Variants in TFDP1 observed in about 807,000 individuals in gnomAD.
TFDP1 encodes the protein DRTF1-polypeptide 1.
A neutral mutation model predicts 48.0 loss-of-function variants in TFDP1; 6 were observed. That is an observed-to-expected ratio of 0.13 (90% CI 0.07 to 0.25). The LOEUF (loss-of-function observed/expected upper bound fraction) is 0.25, where lower values mean the gene tolerates loss of function less well. Among genes scored for constraint, TFDP1 ranks in the 10% least tolerant of loss-of-function variants. The pLI is 1.00. For missense variants in TFDP1, 335 were observed against 543.0 expected (o/e 0.62, Z 3.81); for synonymous variants, 201 against 211.6 (o/e 0.95, Z 0.44).
At chr13:113,613,567 T>C (rs112585580) in intron 3 of TFDP1, among the ~76,000 whole-genome samples, 2,924 of 141,166 alleles carry the variant, frequency 0.021, 106 homozygotes, top group East Asian at 0.094. Context: ...TGAGTGTGCA[T>C]ACGAGTGTGT....
chr13:113,622,047 C>T (rs1293275113), intron 3 of TFDP1, among the ~76,000 whole-genome samples: 3 of 152,232 alleles, frequency 2.0e-5, no homozygotes, highest in African/African-American at 7.2e-5. Flanking sequence ...TGCCTCCTCT[C>T]TCTCTCTGCC....
chr13:113,634,052 T>C lies in TFDP1; in HGVS notation c.618+19T>C, dbSNP rs1175209178. ...CTTAGAGGTGCCCCTTCAGCCTTCC[T>C]TCAACCTTGATTTCCCTTCAAGTCC... On this transcript the variant is annotated intron_variant, in intron 7 of 11. Coordinates refer to ENST00000375370, the MANE Select transcript of TFDP1 (RefSeq NM_007111.5). 6.2e-7 allele frequency: 1 copy of C among 1,613,992 alleles called. No individual in the cohort carries two copies. Among genetic ancestry groups the C allele is most frequent in the Non-Finnish European group, 8.5e-7 (1 of 1,180,014 alleles).
At chr13:113,617,756 A>G (rs73577469) in intron 3 of TFDP1, among the ~76,000 whole-genome samples, 10,123 of 152,216 alleles carry the variant, frequency 0.067, 939 homozygotes, top group African/African-American at 0.21. Context: ...TGGTGGGCAA[A>G]ATAGTAACTC....
rs142499049 is a variant in TFDP1, at chr13:113,597,531, A to G, written c.12+11682A>G. Among the ~76,000 whole-genome samples the G allele has an allele frequency of 3.5e-3, 528 of 152,324 alleles. 5 individuals are homozygous for G. Among genetic ancestry groups the G allele is most frequent in the African/African-American group, 0.012 (498 of 41,574 alleles). The stretch of plus-strand genomic sequence containing the variant: ...TGGACCTTGCTAGCCCTGCGACCTC[A>G]GGTGGGGACTCCTGGCCTCTGTGTG... On this transcript the variant is annotated intron_variant, in intron 2 of 11. Coordinates refer to ENST00000375370, the MANE Select transcript of TFDP1 (RefSeq NM_007111.5).
In TFDP1 at chr13:113,633,599, G is replaced by T. The variant is rs754337275; in HGVS notation, c.475-291G>T. ...ATGCTTTGTCAACTCCAGTGAGTGAGCACGTGGGCTGGCTCTGCACGTCTA... is the reference window on the plus strand; with the variant it reads ...ATGCTTTGTCAACTCCAGTGAGTGATCACGTGGGCTGGCTCTGCACGTCTA... On this transcript the variant is annotated intron_variant, in intron 6 of 11. Coordinates refer to ENST00000375370, the MANE Select transcript of TFDP1 (RefSeq NM_007111.5). This position sits in a 1 kb window ranked among gnomAD's most constrained non-coding sequence, Gnocchi z 4.5. Among the ~76,000 whole-genome samples, 8 of 152,226 alleles carry T rather than the reference G, an allele frequency of 5.3e-5. No homozygotes were observed. The highest frequency in any genetic ancestry group is 1.0e-4 in the Non-Finnish European group (7 of 68,052).
chr13:113,606,985 C>T (rs975527650), intron 2 of TFDP1, among the ~76,000 whole-genome samples: 4 of 152,220 alleles, frequency 2.6e-5, no homozygotes, highest in Admixed American at 1.3e-4. Flanking sequence ...TTTATTCATC[C>T]GCCAGCTCTG....
intron 2 of TFDP1, among the ~76,000 whole-genome samples, chr13:113,609,635 G>A (rs1205423841): frequency 6.6e-6 from 1 of 152,016 alleles, no homozygotes; most frequent in East Asian, 1.9e-4. Context: ...TACCTGGGTG[G>A]CACCAGGGGG....
At chr13:113,608,976 C>T (rs1379255236) in intron 2 of TFDP1, among the ~76,000 whole-genome samples, 5 of 152,232 alleles carry the variant, frequency 3.3e-5, no homozygotes, top group Non-Finnish European at 4.4e-5. Context: ...GGACATCTAG[C>T]GTCTCACACC....
chr13:113,597,288 T>C (rs1001675525), intron 2 of TFDP1, among the ~76,000 whole-genome samples: 1 of 152,194 alleles, frequency 6.6e-6, no homozygotes, highest in Non-Finnish European at 1.5e-5. Flanking sequence ...CTATGATAAA[T>C]AAATAGATGA....
chr13:113,612,802 A>G (rs1467690352), intron 3 of TFDP1, among the ~76,000 whole-genome samples: 5 of 152,338 alleles, frequency 3.3e-5, no homozygotes, highest in Admixed American at 2.6e-4. Context: ...AGGAAGGAAC[A>G]TATTCTGCAT....
Position 113,623,275 on chromosome 13 carries a change from G to A in TFDP1, c.175G>A (p.Ala59Thr), listed in dbSNP as rs558392124. 34 of 1,611,362 alleles carry A rather than the reference G, an allele frequency of 2.1e-5. No homozygotes were observed. The highest frequency in any genetic ancestry group is 1.6e-4 in the Middle Eastern group (1 of 6,080). Residue 59 changes from alanine to threonine, a missense_variant, in exon 4 of 12, where the codon GCC (alanine) becomes ACC (threonine). Physicochemically the swap from Ala to Thr is moderately conservative, Grantham distance 58. This residue lies in a region of TFDP1 where 103 missense variants were observed against 140.4 expected (regional missense o/e 0.73). Transcript: ENST00000375370. The surrounding 1 kb of genome is among the most constrained non-coding windows in gnomAD (Gnocchi z 5.2). ...CTTTGGACAGTCCAATGTCAACATT[G>A]CCCAGCAAGTGGTAAGCCTCCCGCA... ...KTFGQSNVNIAQQVVIGTPQR... is the reference protein window; with the variant it reads ...KTFGQSNVNITQQVVIGTPQR...
At chr13:113,621,356 G>T (rs977857197) in intron 3 of TFDP1, among the ~76,000 whole-genome samples, 9 of 152,240 alleles carry the variant, frequency 5.9e-5, no homozygotes, top group African/African-American at 2.2e-4. Flanking sequence ...TCCCCCAGCC[G>T]TGGGGTGGGG....
intron 2 of TFDP1, among the ~76,000 whole-genome samples, chr13:113,592,322 A>AT (rs1290982621): frequency 3.3e-5 from 5 of 152,066 alleles, no homozygotes; most frequent in African/African-American, 1.2e-4. Flanking sequence ...TACCCTGCTA[A>AT]TTTTTTGTAT....
rs1248554793 is a variant in TFDP1, at chr13:113,607,586, C to T, written c.13-3410C>T. On this transcript the variant is annotated intron_variant, in intron 2 of 11. Coordinates refer to ENST00000375370, the MANE Select transcript of TFDP1 (RefSeq NM_007111.5). This position sits in a 1 kb window ranked among gnomAD's most constrained non-coding sequence, Gnocchi z 5.2. ...GTGTGCTGCGCATGCCCTGCAGTTA[C>T]CCCAGAGCTTTATGTCACAACATTG... Among the ~76,000 whole-genome samples, 1 of 152,170 alleles carries T rather than the reference C, an allele frequency of 6.6e-6. No individual in the cohort carries two copies. The highest frequency in any genetic ancestry group is 1.5e-5 in the Non-Finnish European group (1 of 68,026).
At chr13:113,634,840 T>TGCATGTGCCTGTGTGC (rs1491341461) in intron 8 of TFDP1, among the ~76,000 whole-genome samples, 1 of 151,940 alleles carries the variant, frequency 6.6e-6, no homozygotes, top group African/African-American at 2.4e-5. Flanking sequence ...TGTGTGTGTG[T>TGCATGTGCCTGTGTGC]GCATGTGCCT....
At chr13:113,609,962 G>C (rs1453381208) in intron 2 of TFDP1, among the ~76,000 whole-genome samples, 1 of 152,222 alleles carries the variant, frequency 6.6e-6, no homozygotes, top group African/African-American at 2.4e-5. Context: ...CTTTTCCTTC[G>C]CAGAGCCCGG....
In TFDP1 at chr13:113,633,461, C is replaced by T. The variant is rs989054933; in HGVS notation, c.474+176C>T. On this transcript the variant is annotated intron_variant, in intron 6 of 11. Coordinates refer to ENST00000375370, the MANE Select transcript of TFDP1 (RefSeq NM_007111.5). The surrounding 1 kb of genome is among the most constrained non-coding windows in gnomAD (Gnocchi z 4.5). ...TGCCGGGGCCGAGAGGCTGGGGTGG[C>T]GGAGCCCAGCGGTGTGGTACGTTTC... Among the ~76,000 whole-genome samples the T allele has an allele frequency of 4.0e-5, 6 of 151,756 alleles. No homozygotes were observed. Among genetic ancestry groups the T allele is most frequent in the African/African-American group, 9.7e-5 (4 of 41,222 alleles).
intron 2 of TFDP1, among the ~76,000 whole-genome samples, chr13:113,603,882 A>G (rs1011842139): frequency 6.6e-6 from 1 of 152,202 alleles, no homozygotes; most frequent in African/African-American, 2.4e-5. Context: ...CTTAAAATTA[A>G]TAGCAATTTC....
chr13:113,633,405 AG>A lies in TFDP1; in HGVS notation c.474+121del. 2.8e-6 allele frequency: 3 copies of A among 1,059,916 alleles called. No individual in the cohort carries two copies. In the South Asian group the frequency reaches 4.9e-5, roughly 17 times the overall value. 65.7% of individuals were successfully genotyped at this position (1,059,916 alleles called of 1,614,324 possible). ...CAGAAAATGCCAAGTACAGCATAAA[AG>A]AATTTTTACCAAACGAGTCAGTAAG... On this transcript the variant is annotated intron_variant, in intron 6 of 11. Coordinates refer to ENST00000375370, the MANE Select transcript of TFDP1 (RefSeq NM_007111.5). The surrounding 1 kb of genome is among the most constrained non-coding windows in gnomAD (Gnocchi z 4.5).
Sources: gnomAD v4.1 joint callset for allele counts (sites outside exome capture counted in the v4.1 genomes callset) on GRCh38, gnomAD v4.1.1 for gene constraint, gnomAD v4.1.1 regional missense constraint, Gnocchi (gnomAD v3.1) non-coding constraint, MANE v1.5 for transcripts, NCBI Gene and HGNC (gene_info 2026-07-23, HGNC 2026-07-21) for gene names.